ZNRF2: variants seen among roughly 807,000 people sequenced by gnomAD.
The protein encoded by ZNRF2 is E3 ubiquitin-protein ligase ZNRF2.
In ZNRF2, 16 loss-of-function variants were observed where a neutral mutation model predicts 20.4. The ratio of observed to expected loss-of-function variants is 0.79; its 90% confidence interval spans 0.53 to 1.19. The LOEUF (loss-of-function observed/expected upper bound fraction) is 1.19. Ranked by LOEUF, ZNRF2 falls within the 50% of genes most tolerant of loss-of-function variation. The probability of loss-of-function intolerance (pLI) is 0.00; values close to 1 mark genes in which losing one functional copy is unlikely to be tolerated. For missense variants in ZNRF2, 363 were observed against 332.4 expected (o/e 1.09, Z -0.72); for synonymous variants, 178 against 144.9 (o/e 1.23, Z -1.64).
chr7:30,348,174 TAAAAAAA>T lies in ZNRF2; in HGVS notation c.566-7540_566-7534del, dbSNP rs551400861. On this transcript the variant is annotated intron_variant, in intron 2 of 4. Coordinates refer to ENST00000323037, the MANE Select transcript of ZNRF2 (RefSeq NM_147128.4). ...AAGAAGTCAATACACTTAAAAATGTTAAAAAAAAAAAAAAAAAAAAGATCTGACTTCA... is the reference window on the plus strand; with the variant it reads ...AAGAAGTCAATACACTTAAAAATGTTAAAAAAAAAAAAAGATCTGACTTCA... Among the ~76,000 whole-genome samples, 16 of 114,912 alleles carry T rather than the reference TAAAAAAA, an allele frequency of 1.4e-4. 1 individual carries two copies. Among genetic ancestry groups the T allele is most frequent in the African/African-American group, 4.3e-4 (14 of 32,242 alleles). The allele number at this position is 114,912 out of a possible 152,430, so 75.4% of individuals were successfully genotyped here.
At chr7:30,310,646 T>A (rs1241192812) in intron 1 of ZNRF2, among the ~76,000 whole-genome samples, 2 of 152,204 alleles carry the variant, frequency 1.3e-5, no homozygotes, top group Non-Finnish European at 2.9e-5. Context: ...AAAAAGTTCT[T>A]GACTCAAGGG....
intron 3 of ZNRF2, among the ~76,000 whole-genome samples, chr7:30,356,946 G>GTGCC (rs1562622157): frequency 6.6e-6 from 1 of 152,034 alleles, no homozygotes; most frequent in African/African-American, 2.4e-5. Context: ...ACCGCATGAT[G>GTGCC]TGCCCGCCTT....
chr7:30,354,608 AAT>A (rs1304014178), intron 2 of ZNRF2, among the ~76,000 whole-genome samples: 1 of 152,198 alleles, frequency 6.6e-6, no homozygotes, highest in Non-Finnish European at 1.5e-5. Flanking sequence ...ATATCAAACA[AAT>A]ACTTAACTTT....
chr7:30,331,044 A>G (rs895589204), intron 2 of ZNRF2, among the ~76,000 whole-genome samples: 8 of 152,188 alleles, frequency 5.3e-5, no homozygotes, highest in Non-Finnish European at 1.2e-4. Context: ...ACTGTTCTCC[A>G]TGGAGTGATG....
intron 2 of ZNRF2, among the ~76,000 whole-genome samples, chr7:30,332,565 A>G (rs986970038): frequency 4.6e-5 from 7 of 151,912 alleles, no homozygotes; most frequent in African/African-American, 1.2e-4. Flanking sequence ...TGTTGTTTCT[A>G]TCTTTATGTC....
At position 30,305,130 on chromosome 7, in the gene ZNRF2, G is replaced by A. The variant is rs1303238951; in HGVS notation, c.470-18512G>A. ...ATCTCTTTCCTATTCTGTGTTCAAT[G>A]ATACCACTTTGGTGACTTGAAATAG... On this transcript the variant is annotated intron_variant, in intron 1 of 4. Coordinates refer to ENST00000323037, the MANE Select transcript of ZNRF2 (RefSeq NM_147128.4). Among the ~76,000 whole-genome samples the A allele has an allele frequency of 3.9e-5, 6 of 152,254 alleles. No individual in the cohort carries two copies. In the East Asian group the frequency reaches 1.2e-3, roughly 29 times the overall value.
chr7:30,324,494 A>G (rs1336905591), intron 2 of ZNRF2, among the ~76,000 whole-genome samples: 1 of 151,614 alleles, frequency 6.6e-6, no homozygotes, highest in African/African-American at 2.4e-5. Context: ...AGTTGTAGTG[A>G]GCCGAGATTG....
chr7:30,292,558 A>G (rs1300329684), intron 1 of ZNRF2, among the ~76,000 whole-genome samples: 1 of 152,120 alleles, frequency 6.6e-6, no homozygotes, highest in African/African-American at 2.4e-5. Flanking sequence ...AATGGAAAAA[A>G]AATGGAGTGC....
intron 3 of ZNRF2, among the ~76,000 whole-genome samples, chr7:30,359,544 A>C (rs1400336323): frequency 6.9e-6 from 1 of 143,952 alleles, no homozygotes; most frequent in African/African-American, 2.9e-5. Context: ...ATCAGATAAC[A>C]GCAGATGAAA....
intron 1 of ZNRF2, among the ~76,000 whole-genome samples, chr7:30,295,204 A>AGG (rs1798999305): frequency 6.6e-6 from 1 of 151,984 alleles, no homozygotes; most frequent in Non-Finnish European, 1.5e-5. Flanking sequence ...TCAGGCCTGA[A>AGG]GGGAGTACCT....
At chr7:30,354,725 GTTTA>G (rs199812546) in intron 2 of ZNRF2, among the ~76,000 whole-genome samples, 2 of 152,146 alleles carry the variant, frequency 1.3e-5, no homozygotes, top group East Asian at 1.9e-4. Context: ...GCAGTAATTT[GTTTA>G]TTTATAATAT....
intron 3 of ZNRF2, among the ~76,000 whole-genome samples, chr7:30,356,757 G>A (rs1383626544): frequency 6.7e-6 from 1 of 148,624 alleles, no homozygotes; most frequent in Non-Finnish European, 1.5e-5. Context: ...CCAGGCTGGA[G>A]GGCAGTGACG....
intron 2 of ZNRF2, among the ~76,000 whole-genome samples, chr7:30,349,842 AT>A (rs988348501): frequency 6.6e-6 from 1 of 151,696 alleles, no homozygotes; most frequent in African/African-American, 2.4e-5. Context: ...CAATAGTTCC[AT>A]TTTTTTTCTT....
chr7:30,315,360 G>T (rs145455511), intron 1 of ZNRF2, among the ~76,000 whole-genome samples: 1 of 152,096 alleles, frequency 6.6e-6, no homozygotes, highest in Admixed American at 6.5e-5. Context: ...ATTGTAAATC[G>T]TTTAATTGGT....
intron 2 of ZNRF2, among the ~76,000 whole-genome samples, chr7:30,335,567 A>G (rs997939996): frequency 6.6e-6 from 1 of 152,112 alleles, no homozygotes; most frequent in Non-Finnish European, 1.5e-5. Flanking sequence ...ATATATATAT[A>G]CGTATTCATA....
intron 2 of ZNRF2, among the ~76,000 whole-genome samples, chr7:30,332,316 A>T (rs1392719123): frequency 6.6e-6 from 1 of 152,194 alleles, no homozygotes; most frequent in Non-Finnish European, 1.5e-5. Context: ...ATTACTAAGA[A>T]ATATTACTCT....
chr7:30,348,352 G>A (rs576948100), intron 2 of ZNRF2, among the ~76,000 whole-genome samples: 10 of 152,202 alleles, frequency 6.6e-5, no homozygotes, highest in South Asian at 6.2e-4. Flanking sequence ...TGCTTCATTA[G>A]TTGTTCAAAA....
chr7:30,291,780 A>C (rs1420320758), intron 1 of ZNRF2, among the ~76,000 whole-genome samples: 1 of 152,250 alleles, frequency 6.6e-6, no homozygotes, highest in Non-Finnish European at 1.5e-5. Context: ...TTTGCAAGTT[A>C]TAAATGAATC....
intron 2 of ZNRF2, among the ~76,000 whole-genome samples, chr7:30,350,402 CTTAG>C (rs1799945044): frequency 6.6e-6 from 1 of 151,930 alleles, no homozygotes; most frequent in Non-Finnish European, 1.5e-5. Flanking sequence ...ACGATCAATT[CTTAG>C]TTACATTTAA....
Sources: allele counts gnomAD v4.1 joint callset (sites outside exome capture counted in the v4.1 genomes callset), GRCh38; gene constraint gnomAD v4.1.1; transcripts MANE v1.5; gene names NCBI Gene and HGNC (gene_info 2026-07-23, HGNC 2026-07-21).